The following CCDC66 variants were observed in gnomAD, a reference collection of about 807,000 sequenced individuals.
The protein encoded by CCDC66 is coiled-coil domain-containing protein 66.
CCDC66 carries 133 observed loss-of-function variants against 128.3 expected under a neutral mutation model. The ratio of observed to expected loss-of-function variants is 1.04; its 90% confidence interval spans 0.90 to 1.20. The LOEUF is 1.20. Among genes scored for constraint, CCDC66 ranks in the 50% most tolerant of loss-of-function variants. CCDC66 has a pLI of 0.00. For missense variants in CCDC66, 1,126 were observed against 1,075.5 expected, an observed-to-expected ratio of 1.05 and a Z score of -0.66; for synonymous variants, 387 against 357.0, an observed-to-expected ratio of 1.08 and a Z score of -0.95.
At chr3:56,557,637 T>C (rs751317180) in intron 1 of CCDC66, 6 of 236,398 alleles carry the variant, frequency 2.5e-5, no homozygotes, top group Non-Finnish European at 4.1e-5. Context: ...CACCTTGTTT[T>C]TGGAGTCTTG....
At chr3:56,565,138 G>T (rs1211387775) in intron 4 of CCDC66, 1 of 426,468 alleles carries the variant, frequency 2.3e-6, no homozygotes, top group Non-Finnish European at 4.8e-6. Flanking sequence ...TTATAGCTGG[G>T]CATAGAGACA....
At chr3:56,621,325 T>C (rs2076576894) in intron 17 of CCDC66, 1 of 377,136 alleles carries the variant, frequency 2.7e-6, no homozygotes, top group Admixed American at 4.2e-5. Context: ...CCCTATTGAT[T>C]TTTATGCTAA....
At chr3:56,617,660 T>G in intron 14 of CCDC66, 55 bp downstream of exon 14, 1 of 1,537,946 alleles carries the variant, frequency 6.5e-7, no homozygotes. Flanking sequence ...CAAAACACAG[T>G]TTCTCATACG....
At chr3:56,620,583 C>G (rs1167257505) in intron 17 of CCDC66, 1 of 152,212 alleles carries the variant, frequency 6.6e-6, no homozygotes, top group Non-Finnish European at 1.5e-5. Flanking sequence ...AAAATGTTGA[C>G]TCAGATGTTT....
chr3:56,620,002 C>T (rs948543240), intron 17 of CCDC66, 101 bp downstream of exon 17: 9 of 1,234,102 alleles, frequency 7.3e-6, no homozygotes, highest in Non-Finnish European at 1.0e-5. Flanking sequence ...CGGTGCATCC[C>T]AGGATTTAAC....
intron 6 of CCDC66, among the ~76,000 whole-genome samples, chr3:56,568,844 T>C (rs1359054495): frequency 6.6e-6 from 1 of 152,224 alleles, no homozygotes; most frequent in Non-Finnish European, 1.5e-5. Flanking sequence ...GTCTTGAAAT[T>C]TCGTTAGTGA....
rs767018761 is a variant in CCDC66, at chr3:56,567,015, C to T, written c.776C>T (p.Ser259Leu). ...GGGGAAAGGGAATGTGATAGAAGTT[C>T]GTTGGAAGCAAAAAAAGCCCAGTGG... ...TLGERECDRS[S>L]LEAKKAQWRK... Residue 259 changes from serine to leucine, a missense_variant, in exon 6 of 18, where the codon TCG becomes TTG. Transcript: ENST00000394672. The T allele has an allele frequency of 4.3e-6, 7 of 1,613,758 alleles. No homozygotes were observed. The highest frequency in any genetic ancestry group is 5.1e-6 in the Non-Finnish European group (6 of 1,179,928).
intron 10 of CCDC66, among the ~76,000 whole-genome samples, chr3:56,596,758 ATTTTTTT>A (rs35527957): frequency 1.0e-5 from 1 of 96,856 alleles, no homozygotes; most frequent in Non-Finnish European, 2.1e-5. Context: ...TCCATCTTGA[ATTTTTTT>A]TTTTTTTTTT....
intron 10 of CCDC66, among the ~76,000 whole-genome samples, chr3:56,599,913 T>C (rs1050441607): frequency 4.6e-5 from 7 of 152,132 alleles, no homozygotes; most frequent in Admixed American, 1.3e-4. Context: ...CTCCCACTTA[T>C]GAGTGAGAAC....
chr3:56,592,172 C>CA (rs1467566772), intron 7 of CCDC66, among the ~76,000 whole-genome samples: 4 of 152,142 alleles, frequency 2.6e-5, no homozygotes, highest in Non-Finnish European at 5.9e-5. Flanking sequence ...ACCTAGAAGA[C>CA]AGAGGTTCTC....
At chr3:56,570,433 A>G (rs2066468416) in intron 6 of CCDC66, 1 of 152,300 alleles carries the variant, frequency 6.6e-6, no homozygotes. Context: ...CCCATTTTAT[A>G]GAAGAAACCA....
At position 56,619,270 on chromosome 3, in the gene CCDC66, G is replaced by C. The variant is rs755471135; in HGVS notation, c.2379-1G>C. ...TTTTTTACTATTTTTTTTTTAAATA[G>C]GTCTCCATCATCACCAGTTCCAGTA... On this transcript the variant is annotated splice_acceptor_variant, in intron 15 of 17. Coordinates refer to ENST00000394672, the MANE Select transcript of CCDC66 (RefSeq NM_001141947.3). LOFTEE classifies it high-confidence loss of function. 6.4e-7 allele frequency: 1 copy of C among 1,568,660 alleles called. No homozygotes were observed. The highest frequency in any genetic ancestry group is 1.2e-5 in the South Asian group (1 of 83,586).
At chr3:56,578,461 G>A (rs932101692) in intron 7 of CCDC66, among the ~76,000 whole-genome samples, 1 of 151,828 alleles carries the variant, frequency 6.6e-6, no homozygotes, top group Non-Finnish European at 1.5e-5. Flanking sequence ...TAGGAGTGGA[G>A]AGAGAGGGCA....
chr3:56,571,582 C>T (rs1161539149), intron 7 of CCDC66, among the ~76,000 whole-genome samples: 1 of 151,916 alleles, frequency 6.6e-6, no homozygotes, highest in Non-Finnish European at 1.5e-5. Flanking sequence ...GGTATTTCAC[C>T]ACTCAGGATG....
intron 7 of CCDC66, among the ~76,000 whole-genome samples, chr3:56,574,052 T>C (rs1482816466): frequency 1.3e-5 from 2 of 151,752 alleles, no homozygotes; most frequent in Admixed American, 6.6e-5. Flanking sequence ...GATTATTGGC[T>C]CATTTTTTTT....
intron 10 of CCDC66, among the ~76,000 whole-genome samples, chr3:56,596,573 ATTG>A (rs2071967467): frequency 6.8e-6 from 1 of 147,168 alleles, no homozygotes; most frequent in African/African-American, 2.5e-5. Context: ...CACTCTGGTT[ATTG>A]TTTCCTTTCC....
At position 56,564,120 on chromosome 3, in the gene CCDC66, C is replaced by T; in HGVS notation, c.539C>T (p.Ala180Val). The T allele has an allele frequency of 6.3e-7, 1 of 1,579,398 alleles. No individual in the cohort carries two copies. Among genetic ancestry groups the T allele is most frequent in the Non-Finnish European group, 8.6e-7 (1 of 1,165,716 alleles). ...TCCCTGACTGAGAATGGAAAGGAGG[C>T]AAAAAGTAAGATTTTTCTAAAGTTT... is the stretch of plus-strand genomic sequence containing the variant. ...SLSLTENGKE[A>V]KSQYSLYLNS... Residue 180 changes from alanine (A) to valine (V), a missense_variant, in exon 4 of 18, where the codon GCA becomes GTA. Ala to Val is a moderately conservative substitution (Grantham distance 64). Coordinates refer to ENST00000394672, the MANE Select transcript of CCDC66 (RefSeq NM_001141947.3).
chr3:56,601,283 G>A (rs2073122963), intron 10 of CCDC66, among the ~76,000 whole-genome samples: 1 of 151,982 alleles, frequency 6.6e-6, no homozygotes, highest in African/African-American at 2.4e-5. Context: ...AGATGGTTGT[G>A]GGTGTGTGGT....
chr3:56,566,481 T>G, intron 4 of CCDC66, 113 bp from the exon 5 acceptor site: 4 of 649,698 alleles, frequency 6.2e-6, no homozygotes, highest in Non-Finnish European at 1.0e-5. Flanking sequence ...AGGATTGTTT[T>G]GAGAGTTAAT....
Sources: gnomAD v4.1 joint callset for allele counts (sites outside exome capture counted in the v4.1 genomes callset) on GRCh38, gnomAD v4.1.1 for gene constraint, MANE v1.5 for transcripts, NCBI Gene and HGNC (gene_info 2026-07-23, HGNC 2026-07-21) for gene names.